Variants in TAFA3 observed in about 807,000 individuals in gnomAD.
The protein encoded by TAFA3 is TAFA chemokine like family member 3, also known as chemokine-like protein TAFA-3.
Under a neutral mutation model 20.7 loss-of-function variants are expected in TAFA3, and 17 were observed. The observed-to-expected ratio is 0.82, with a 90% CI of 0.56 to 1.23. The LOEUF is 1.23. Among genes scored for constraint, TAFA3 ranks in the 50% most tolerant of loss-of-function variants. The pLI, the probability that TAFA3 is intolerant of heterozygous loss-of-function variation, is 0.00. For synonymous variants in TAFA3, 74 were observed against 71.8 expected (o/e 1.03, Z -0.16); for missense variants, 174 against 172.8 (o/e 1.01, Z -0.04).
At position 112,726,674 on chromosome 1, in the gene TAFA3, T is replaced by C; in HGVS notation, c.*34T>C. The C allele has an allele frequency of 1.9e-6, 3 of 1,613,974 alleles. No individual in the cohort carries two copies. Among genetic ancestry groups the C allele is most frequent in the Non-Finnish European group, 2.5e-6 (3 of 1,179,884 alleles). On this transcript the variant is annotated 3_prime_UTR_variant, in exon 6 of 6. Coordinates refer to ENST00000361886, the MANE Select transcript of TAFA3 (RefSeq NM_182759.3). ...GGTCACGGCCTGGACAAGAAAGGCT[T>C]GACTGAGCCGTGAACTGAAGAATGG...
chr1:112,724,700 G>A (rs1675418363), intron 5 of TAFA3, among the ~76,000 whole-genome samples: 2 of 147,588 alleles, frequency 1.4e-5, no homozygotes, highest in South Asian at 4.4e-4. Flanking sequence ...CGAGTTAGTG[G>A]GTGCAGCGCA....
chr1:112,722,099 G>A (rs1214578764), intron 2 of TAFA3, 134 bp from the exon 3 acceptor site: 33 of 871,596 alleles, frequency 3.8e-5, no homozygotes, highest in South Asian at 1.1e-4. Flanking sequence ...GTGCCAGGTC[G>A]AAAGATGCCT....
chr1:112,725,189 A>G (rs1675437967), intron 5 of TAFA3, among the ~76,000 whole-genome samples: 1 of 152,150 alleles, frequency 6.6e-6, no homozygotes, highest in Non-Finnish European at 1.5e-5. Context: ...GTACACATGG[A>G]CATAAAGATG....
At position 112,719,001 on chromosome 1, in the gene TAFA3, GGCCT is replaced by G. The variant is rs1675267025; in HGVS notation, c.-354_-351del. ...TTGCGGCGGCGGCTGCGCGCTCCCCGGCCTGCCGGCAGGAACCTTGGAAAAAACC... is the reference window on the plus strand; with the variant it reads ...TTGCGGCGGCGGCTGCGCGCTCCCCGGCCGGCAGGAACCTTGGAAAAAACC... On this transcript the variant is annotated 5_prime_UTR_variant, in exon 1 of 6. Coordinates refer to ENST00000361886, the MANE Select transcript of TAFA3 (RefSeq NM_182759.3). 2.0e-5 allele frequency among the ~76,000 whole-genome samples: 3 copies of G among 152,210 alleles called. No homozygotes were observed. The highest frequency in any genetic ancestry group is 1.5e-5 in the Non-Finnish European group (1 of 68,016).
intron 3 of TAFA3, 90 bp from the exon 4 acceptor site, chr1:112,722,926 C>T: frequency 6.8e-7 from 1 of 1,477,032 alleles, no homozygotes; most frequent in South Asian, 1.4e-5. Context: ...CTCCCTGCAG[C>T]AGGGAGGAGG....
intron 1 of TAFA3, among the ~76,000 whole-genome samples, 93 bp downstream of exon 1, chr1:112,719,392 C>T (rs1675277002): frequency 6.6e-6 from 1 of 152,188 alleles, no homozygotes; most frequent in Admixed American, 6.5e-5. Context: ...GTTGAAGATT[C>T]TTGTGGTTCA....
At chr1:112,725,403 A>AAAC (rs67466441) in intron 5 of TAFA3, among the ~76,000 whole-genome samples, 45,418 of 140,470 alleles carry the variant, frequency 0.32, 7,079 homozygotes, top group South Asian at 0.43. Context: ...ATTAAAAAAA[A>AAAC]AAAAAAAAAA....
chr1:112,719,238 G>C lies in TAFA3; in HGVS notation c.-121G>C, dbSNP rs1675273685. 6.6e-6 allele frequency among the ~76,000 whole-genome samples: 1 copy of C among 152,370 alleles called. No individual in the cohort carries two copies. Among genetic ancestry groups the C allele is most frequent in the Admixed American group, 6.5e-5 (1 of 15,312 alleles). On this transcript the variant is annotated 5_prime_UTR_variant, in exon 1 of 6. Transcript: ENST00000361886. ...CTGTCTTTCGGAGTGCTGGTCCCTG[G>C]CTCAGTGGCAAGGAAGACTTCAGGC...
intron 5 of TAFA3, among the ~76,000 whole-genome samples, chr1:112,726,152 G>GA (rs1022524922): frequency 2.7e-5 from 4 of 150,034 alleles, no homozygotes; most frequent in African/African-American, 4.9e-5. Flanking sequence ...AAGAAAAAAA[G>GA]AAAAAAAAAT....
intron 1 of TAFA3, among the ~76,000 whole-genome samples, 69 bp downstream of exon 1, chr1:112,719,368 G>GA (rs370730184): frequency 6.6e-6 from 1 of 152,334 alleles, no homozygotes; most frequent in African/African-American, 2.4e-5. Flanking sequence ...TGTGGGGAGA[G>GA]AAGGTGAAGA....
At chr1:112,725,151 G>A (rs1377252455) in intron 5 of TAFA3, among the ~76,000 whole-genome samples, 1 of 152,122 alleles carries the variant, frequency 6.6e-6, no homozygotes, top group African/African-American at 2.4e-5. Context: ...AATACCACAT[G>A]TTCTCACTTC....
intron 2 of TAFA3, 104 bp downstream of exon 2, chr1:112,720,738 A>G (rs1291680590): frequency 6.6e-6 from 1 of 152,312 alleles, no homozygotes; most frequent in Non-Finnish European, 1.5e-5. Flanking sequence ...GGCCTCTGGT[A>G]TTCCCAAAGC....
chr1:112,725,972 A>G (rs1675461116), intron 5 of TAFA3, among the ~76,000 whole-genome samples: 1 of 152,194 alleles, frequency 6.6e-6, no homozygotes, highest in African/African-American at 2.4e-5. Flanking sequence ...ACCCGTCTCT[A>G]CTAAAAATAC....
chr1:112,723,321 G>A (rs558632935), intron 4 of TAFA3, among the ~76,000 whole-genome samples, 156 bp downstream of exon 4: 1 of 152,164 alleles, frequency 6.6e-6, no homozygotes, highest in Non-Finnish European at 1.5e-5. Flanking sequence ...GAAGAGGGCA[G>A]ACGTGGCCAT....
chr1:112,723,877 A>G, intron 4 of TAFA3, 136 bp from the exon 5 acceptor site: 3 of 1,570,842 alleles, frequency 1.9e-6, no homozygotes, highest in Non-Finnish European at 1.7e-6. Context: ...AGCCTGGAGT[A>G]GGGGAAAGAC....
intron 2 of TAFA3, among the ~76,000 whole-genome samples, chr1:112,721,213 C>T (rs1176137250): frequency 6.6e-6 from 1 of 152,224 alleles, no homozygotes; most frequent in East Asian, 1.9e-4. Flanking sequence ...ATCTCCCAAC[C>T]AACCAGTTTC....
chr1:112,725,699 G>T (rs1675454466), intron 5 of TAFA3, among the ~76,000 whole-genome samples: 1 of 152,212 alleles, frequency 6.6e-6, no homozygotes, highest in Non-Finnish European at 1.5e-5. Context: ...CTCGTTAGCA[G>T]CTCCATGTGT....
At position 112,726,774 on chromosome 1, in the gene TAFA3, G is replaced by A; in HGVS notation, c.*134G>A. On this transcript the variant is annotated 3_prime_UTR_variant, in exon 6 of 6. Coordinates refer to ENST00000361886, the MANE Select transcript of TAFA3 (RefSeq NM_182759.3). ...TCAAATGCAGCATCAGTCTTTCCGG[G>A]GCATTTCAGTTAAGCTGCTCAGCAG... is the stretch of plus-strand genomic sequence containing the variant. The A allele has an allele frequency of 7.1e-7, 1 of 1,411,098 alleles. No individual in the cohort carries two copies. The highest frequency in any genetic ancestry group is 1.0e-6 in the Non-Finnish European group (1 of 1,004,608). 87.4% of individuals were successfully genotyped at this position (1,411,098 alleles called of 1,614,324 possible). A position where few individuals can be genotyped will look rare whatever the true frequency, so the allele number is the denominator to read the frequency against.
chr1:112,722,959 G>A (rs1198511555), intron 3 of TAFA3, 57 bp from the exon 4 acceptor site: 6 of 1,548,510 alleles, frequency 3.9e-6, no homozygotes, highest in Non-Finnish European at 5.2e-6. Context: ...GCCCGGGTGG[G>A]CGGGAGGGAG....
Sources: allele counts gnomAD v4.1 joint callset (sites outside exome capture counted in the v4.1 genomes callset), GRCh38; gene constraint gnomAD v4.1.1; transcripts MANE v1.5; gene names NCBI Gene and HGNC (gene_info 2026-07-23, HGNC 2026-07-21).